The following KIAA1217 variants were observed in gnomAD, a reference collection of about 807,000 sequenced individuals.
KIAA1217 encodes the protein KIAA1217.
A neutral mutation model predicts 163.9 loss-of-function variants in KIAA1217; 88 were observed. That is an observed-to-expected ratio of 0.54 (90% CI 0.45 to 0.64). KIAA1217 has a LOEUF of 0.64. Ranked by LOEUF, KIAA1217 falls within the 30% of genes least tolerant of loss-of-function variation. The probability of loss-of-function intolerance (pLI) is 0.00; values close to 1 mark genes in which losing one functional copy is unlikely to be tolerated. For synonymous variants in KIAA1217, 903 were observed against 923.1 expected, an observed-to-expected ratio of 0.98 and a Z score of 0.39; for missense variants, 2,372 against 2,475.0, an observed-to-expected ratio of 0.96 and a Z score of 0.88.
intron 1 of KIAA1217, among the ~76,000 whole-genome samples, chr10:23,981,214 T>G (rs531664213): frequency 3.3e-5 from 5 of 152,356 alleles, no homozygotes; most frequent in Non-Finnish European, 7.3e-5. Context: ...TTTCTGAAAT[T>G]GTAAGGAAAT....
At chr10:24,135,830 T>A (rs1366553780) in intron 2 of KIAA1217, among the ~76,000 whole-genome samples, 1 of 152,116 alleles carries the variant, frequency 6.6e-6, no homozygotes, top group African/African-American at 2.4e-5. Context: ...ACCTCACTTA[T>A]TTAGAGGCTG....
rs558316642 is a variant in KIAA1217 at position 24,496,146 on chromosome 10, A to T, written c.1834+950A>T. 9.2e-5 allele frequency among the ~76,000 whole-genome samples: 14 copies of T among 152,394 alleles called. No homozygotes were observed. In the East Asian group the frequency reaches 2.7e-3, roughly 29 times the overall value. ...GTACTAGTTTTGTGCAGCACGGTAG[A>T]GTAGACAGAATTGGGGACTTCAGTT... is the stretch of plus-strand genomic sequence containing the variant. On this transcript the variant is annotated intron_variant, in intron 8 of 20. Transcript: ENST00000376454.
At chr10:24,129,464 A>G (rs59271286) in intron 2 of KIAA1217, among the ~76,000 whole-genome samples, 1,818 of 152,284 alleles carry the variant, frequency 0.012, 37 homozygotes, top group African/African-American at 0.042. Flanking sequence ...TCTAAGTGGC[A>G]TAAGTGAGTA....
chr10:24,140,256 A>T (rs1016778175), intron 2 of KIAA1217, among the ~76,000 whole-genome samples: 3 of 151,508 alleles, frequency 2.0e-5, no homozygotes, highest in Non-Finnish European at 4.4e-5. Flanking sequence ...GCTACTCAGG[A>T]GGCTGAGGCA....
intron 1 of KIAA1217, among the ~76,000 whole-genome samples, chr10:23,739,027 A>G (rs1006636529): frequency 1.3e-5 from 2 of 152,240 alleles, no homozygotes; most frequent in Admixed American, 6.5e-5. Context: ...GATTGGATAA[A>G]GAAAATATGA....
intron 1 of KIAA1217, among the ~76,000 whole-genome samples, chr10:23,727,805 A>T (rs367823180): frequency 6.6e-6 from 1 of 150,806 alleles, no homozygotes; most frequent in African/African-American, 2.4e-5. Flanking sequence ...TAGACCCCCC[A>T]CCTCCCGATG....
chr10:24,219,542 C>A, intron 1 of KIAA1217, 84 bp from the exon 2 acceptor site: 1 of 1,144,986 alleles, frequency 8.7e-7, no homozygotes, highest in Non-Finnish European at 1.2e-6. Context: ...ACATTAACAA[C>A]TGCCGCAAAC....
At chr10:23,853,073 G>T (rs1246250345) in intron 1 of KIAA1217, among the ~76,000 whole-genome samples, 2 of 152,120 alleles carry the variant, frequency 1.3e-5, no homozygotes, top group Non-Finnish European at 2.9e-5. Context: ...GGTGAGAGAG[G>T]GCATCCCTGT....
intron 2 of KIAA1217, among the ~76,000 whole-genome samples, chr10:24,248,919 G>A (rs561133492): frequency 5.3e-5 from 8 of 152,284 alleles, no homozygotes; most frequent in South Asian, 2.1e-4. Context: ...GGCACACTGC[G>A]AGAGGGATGT....
chr10:23,889,725 T>C (rs1482885347), intron 1 of KIAA1217, among the ~76,000 whole-genome samples: 2 of 151,728 alleles, frequency 1.3e-5, no homozygotes, highest in East Asian at 3.9e-4. Flanking sequence ...TTTCATTTTG[T>C]ATTGTTTTTT....
At chr10:24,155,696 C>T (rs938301267) in intron 2 of KIAA1217, among the ~76,000 whole-genome samples, 3 of 151,956 alleles carry the variant, frequency 2.0e-5, no homozygotes, top group African/African-American at 7.3e-5. Context: ...GTGGCGGGCA[C>T]CTGTAATCCC....
chr10:24,343,362 A>C (rs1376909033), intron 2 of KIAA1217, among the ~76,000 whole-genome samples: 1 of 151,018 alleles, frequency 6.6e-6, no homozygotes, highest in African/African-American at 2.4e-5. Context: ...ACATTTTTAT[A>C]ATCATTGACG....
intron 2 of KIAA1217, among the ~76,000 whole-genome samples, chr10:24,250,690 C>G (rs1304292494): frequency 3.8e-5 from 3 of 79,980 alleles, no homozygotes; most frequent in African/African-American, 5.0e-5. Context: ...GATCTGCCCA[C>G]CCCCCGCCCC....
chr10:24,018,937 A>G (rs572704090), intron 2 of KIAA1217, among the ~76,000 whole-genome samples: 1 of 152,244 alleles, frequency 6.6e-6, no homozygotes, highest in South Asian at 2.1e-4. Context: ...TGGCAAGTGA[A>G]ATAAACCTGG....
At chr10:23,842,258 T>C (rs1838823747) in intron 1 of KIAA1217, among the ~76,000 whole-genome samples, 1 of 152,182 alleles carries the variant, frequency 6.6e-6, no homozygotes, top group Admixed American at 6.6e-5. Flanking sequence ...GATAGGGGAA[T>C]AAATGGTTCT....
intron 2 of KIAA1217, among the ~76,000 whole-genome samples, chr10:24,189,564 C>G (rs1301378188): frequency 6.6e-6 from 1 of 152,032 alleles, no homozygotes; most frequent in Non-Finnish European, 1.5e-5. Flanking sequence ...TGGCTGATAC[C>G]CTATAACAAA....
chr10:24,013,094 G>A (rs563673658), intron 2 of KIAA1217, among the ~76,000 whole-genome samples: 1 of 151,976 alleles, frequency 6.6e-6, no homozygotes, highest in Non-Finnish European at 1.5e-5. Flanking sequence ...TCCCTTTCAC[G>A]ATCTATTTGG....
At chr10:23,921,214 T>C (rs1408190772) in intron 1 of KIAA1217, among the ~76,000 whole-genome samples, 1 of 152,204 alleles carries the variant, frequency 6.6e-6, no homozygotes, top group Non-Finnish European at 1.5e-5. Context: ...TCTGGTGAAG[T>C]GCATATGTTG....
chr10:23,875,396 G>A (rs1458142930), intron 1 of KIAA1217, among the ~76,000 whole-genome samples: 2 of 151,924 alleles, frequency 1.3e-5, no homozygotes, highest in South Asian at 2.1e-4. Flanking sequence ...GACAAGCTTG[G>A]CTGGTTGTGT....
Sources: gnomAD v4.1 joint callset for allele counts (sites outside exome capture counted in the v4.1 genomes callset) on GRCh38, gnomAD v4.1.1 for gene constraint, MANE v1.5 for transcripts, NCBI Gene and HGNC (gene_info 2026-07-23, HGNC 2026-07-21) for gene names.